The following PBX1 variants were observed in gnomAD, a reference collection of about 807,000 sequenced individuals.
PBX1 encodes the protein PBX homeobox 1, also known as pre-B-cell leukemia transcription factor 1.
Under a neutral mutation model 53.4 loss-of-function variants are expected in PBX1, and 6 were observed. That is an observed-to-expected ratio of 0.11 (90% CI 0.06 to 0.22). The LOEUF (loss-of-function observed/expected upper bound fraction) is 0.22. PBX1 is among the 10% of genes least tolerant of loss of function. The pLI, the probability that PBX1 is intolerant of heterozygous loss-of-function variation, is 1.00. For synonymous variants in PBX1, 204 were observed against 212.3 expected, an observed-to-expected ratio of 0.96 and a Z score of 0.34; for missense variants, 251 against 551.4, an observed-to-expected ratio of 0.46 and a Z score of 5.46.
At chr1:164,816,213 A>G (rs1669873639) in intron 6 of PBX1, 1 of 152,236 alleles carries the variant, frequency 6.6e-6, no homozygotes. Context: ...ACATTCAACC[A>G]GACAACACTT....
Position 164,849,134 on chromosome 1 carries a change from G to T in PBX1, c.*2458G>T. 3.6e-6 allele frequency: 5 copies of T among 1,380,458 alleles called. No homozygotes were observed. The highest frequency in any genetic ancestry group is 4.7e-6 in the Non-Finnish European group (5 of 1,066,844). The allele number at this position is 1,380,458 out of a possible 1,614,324, so 85.5% of individuals were successfully genotyped here. A position where few individuals can be genotyped will look rare whatever the true frequency, so the allele number is the denominator to read the frequency against. On this transcript the variant is annotated 3_prime_UTR_variant, in exon 9 of 9. Transcript: ENST00000420696. ...ATTTGCTTGACTTAGGGCAAAGTAC[G>T]AAAGAGAGACAAAAGGGTTCTCTTG...
intron 2 of PBX1, among the ~76,000 whole-genome samples, chr1:164,776,712 A>T (rs1291548610): frequency 6.6e-6 from 1 of 152,152 alleles, no homozygotes; most frequent in Non-Finnish European, 1.5e-5. Flanking sequence ...GCAAAGTTTT[A>T]AGCCTAACTT....
chr1:164,785,341 G>A (rs926755466), intron 2 of PBX1, among the ~76,000 whole-genome samples: 8 of 152,166 alleles, frequency 5.3e-5, no homozygotes, highest in Admixed American at 1.3e-4. Context: ...TGAAGAACAC[G>A]AGGACCTGCT....
At chr1:164,811,824 C>T (rs529704211) in intron 5 of PBX1, among the ~76,000 whole-genome samples, 166 bp from the exon 6 acceptor site, 1 of 151,792 alleles carries the variant, frequency 6.6e-6, no homozygotes, top group Non-Finnish European at 1.5e-5. Flanking sequence ...TGTAGTTGTC[C>T]TTTTGAAGCT....
chr1:164,573,481 C>T (rs1654009626), intron 2 of PBX1, among the ~76,000 whole-genome samples: 3 of 144,730 alleles, frequency 2.1e-5, no homozygotes, highest in Admixed American at 6.9e-5. Flanking sequence ...ATTTACAGCA[C>T]ATCTTTTTTT....
intron 2 of PBX1, among the ~76,000 whole-genome samples, chr1:164,590,118 T>G: frequency 6.7e-6 from 1 of 148,440 alleles, no homozygotes; most frequent in African/African-American, 2.5e-5. Flanking sequence ...GAGGCTGAGG[T>G]GGGAAGATTG....
chr1:164,753,859 T>C (rs959419671), intron 2 of PBX1, among the ~76,000 whole-genome samples: 1 of 152,212 alleles, frequency 6.6e-6, no homozygotes, highest in Admixed American at 6.5e-5. Context: ...GCTCTCAGTG[T>C]TGGAAACGGG....
chr1:164,704,960 C>T (rs938755642), intron 2 of PBX1, among the ~76,000 whole-genome samples: 3 of 152,112 alleles, frequency 2.0e-5, no homozygotes, highest in African/African-American at 7.2e-5. Context: ...TTGTTTTCCC[C>T]AACTTCTCAT....
intron 2 of PBX1, among the ~76,000 whole-genome samples, chr1:164,570,488 CGA>C (rs1192686481): frequency 1.3e-5 from 2 of 151,966 alleles, no homozygotes; most frequent in African/African-American, 4.8e-5. Flanking sequence ...GTTAATTTGC[CGA>C]GAGTGATGGT....
chr1:164,833,985 T>C (rs1389307384), intron 8 of PBX1, among the ~76,000 whole-genome samples: 2 of 151,380 alleles, frequency 1.3e-5, no homozygotes, highest in Non-Finnish European at 2.9e-5. Context: ...CCAGAAATAT[T>C]TTATGGGTGT....
chr1:164,621,806 T>A (rs1260875712), intron 2 of PBX1, among the ~76,000 whole-genome samples: 1 of 152,120 alleles, frequency 6.6e-6, no homozygotes, highest in Non-Finnish European at 1.5e-5. Context: ...GATTCCTGAG[T>A]CTGCCCATCG....
At chr1:164,807,785 A>G (rs893959879) in intron 5 of PBX1, 108 bp downstream of exon 5, 4 of 1,260,088 alleles carry the variant, frequency 3.2e-6, no homozygotes, top group Admixed American at 4.4e-5. Context: ...TGCAAGTTCC[A>G]TCAGCTATAG....
Position 164,807,535 on chromosome 1 carries a change from T to A in PBX1, c.702-7T>A. 6.2e-7 allele frequency: 1 copy of A among 1,612,242 alleles called. No individual in the cohort carries two copies. Among genetic ancestry groups the A allele is most frequent in the Non-Finnish European group, 8.5e-7 (1 of 1,179,218 alleles). On this transcript the variant is annotated splice_polypyrimidine_tract_variant and splice_region_variant and intron_variant, in intron 4 of 8. Transcript: ENST00000420696. The stretch of plus-strand genomic sequence containing the variant: ...TTTTTGTTATTATTTCCTTTCTCTT[T>A]ACAAAGGCGGAAGAGACGGAATTTC...
intron 2 of PBX1, among the ~76,000 whole-genome samples, chr1:164,880,174 CT>C (rs1328624045): frequency 6.6e-6 from 1 of 152,182 alleles, no homozygotes; most frequent in Non-Finnish European, 1.5e-5. Flanking sequence ...CCTCATACCC[CT>C]ATTCCTGTAT....
chr1:164,672,161 G>A (rs937888869), intron 2 of PBX1, among the ~76,000 whole-genome samples: 2 of 151,414 alleles, frequency 1.3e-5, no homozygotes, highest in Non-Finnish European at 2.9e-5. Context: ...TCTCTGCAGC[G>A]TGTCTGTCTC....
intron 2 of PBX1, among the ~76,000 whole-genome samples, chr1:164,702,015 A>T (rs1161634030): frequency 6.6e-6 from 1 of 152,148 alleles, no homozygotes; most frequent in Non-Finnish European, 1.5e-5. Context: ...TTACAGACAT[A>T]TGTTTTTCCA....
At chr1:164,838,246 C>T (rs970509713) in intron 8 of PBX1, among the ~76,000 whole-genome samples, 6 of 152,176 alleles carry the variant, frequency 3.9e-5, no homozygotes, top group Admixed American at 6.5e-5. Context: ...CCATCTTACT[C>T]TTAGGTCTTA....
At chr1:164,885,496 G>T (rs1392931773) in intron 2 of PBX1, among the ~76,000 whole-genome samples, 1 of 152,168 alleles carries the variant, frequency 6.6e-6, no homozygotes, top group Non-Finnish European at 1.5e-5. Flanking sequence ...TAGGCTTTGT[G>T]TCATCATCCA....
chr1:164,633,064 T>G (rs2101883200), intron 2 of PBX1, among the ~76,000 whole-genome samples: 1 of 152,268 alleles, frequency 6.6e-6, no homozygotes, highest in South Asian at 2.1e-4. Flanking sequence ...GCCTGTTAAG[T>G]CCACCATAAC....
Sources: allele counts gnomAD v4.1 joint callset (sites outside exome capture counted in the v4.1 genomes callset), GRCh38; gene constraint gnomAD v4.1.1; transcripts MANE v1.5; gene names NCBI Gene and HGNC (gene_info 2026-07-23, HGNC 2026-07-21).